SEC14L1: variants seen among roughly 807,000 people sequenced by gnomAD.
SEC14L1 encodes SEC14 like lipid binding 1, also known as SEC14-like protein 1.
Under a neutral mutation model 85.3 loss-of-function variants are expected in SEC14L1, and 48 were observed. The ratio of observed to expected loss-of-function variants is 0.56; its 90% CI spans 0.45 to 0.72. The LOEUF is 0.72. Among genes scored for constraint, SEC14L1 ranks in the 30% least tolerant of loss-of-function variants. The pLI, the probability that SEC14L1 is intolerant of heterozygous loss-of-function variation, is 0.00. For synonymous variants in SEC14L1, 391 were observed against 355.5 expected, an observed-to-expected ratio of 1.10 and a Z score of -1.12; for missense variants, 682 against 921.4, an observed-to-expected ratio of 0.74 and a Z score of 3.36.
rs770618633 is a variant in SEC14L1 at position 77,193,517 on chromosome 17, G to A, written c.442G>A (p.Ala148Thr). The A allele has an allele frequency of 6.2e-7, 1 of 1,612,130 alleles. No individual in the cohort carries two copies. The highest frequency in any genetic ancestry group is 8.5e-7 in the Non-Finnish European group (1 of 1,178,722). The change falls in exon 6 of 17, where the codon GCA becomes ACA. Residue 148 changes from alanine (A) to threonine (T), a missense_variant. Physicochemically the swap from Ala to Thr is moderately conservative, Grantham distance 58 (BLOSUM62 0). Coordinates refer to ENST00000436233, the MANE Select transcript of SEC14L1 (RefSeq NM_001143998.2). ...FGFESTVEKI[A>T]MKQYTSNIKK... ...TTTTGAAAGTACAGTGGAAAAAATTGCAATGAAACAATATACCAGCAACAT... is the reference window on the plus strand; with the variant it reads ...TTTTGAAAGTACAGTGGAAAAAATTACAATGAAACAATATACCAGCAACAT...
chr17:77,124,806 T>C (rs1038244457), intron 3 of SEC14L1, among the ~76,000 whole-genome samples: 1 of 152,120 alleles, frequency 6.6e-6, no homozygotes, highest in Non-Finnish European at 1.5e-5. Flanking sequence ...GAGAAATCAC[T>C]GATCCCTTTC....
intron 1 of SEC14L1, chr17:77,141,828 C>T (rs1479998593): frequency 6.6e-6 from 1 of 152,176 alleles, no homozygotes; most frequent in East Asian, 1.9e-4. Flanking sequence ...TGTTTGTACC[C>T]GGTTATCGTC....
chr17:77,132,290 C>T (rs915744532), intron 3 of SEC14L1, among the ~76,000 whole-genome samples: 4 of 149,880 alleles, frequency 2.7e-5, no homozygotes, highest in Admixed American at 1.3e-4. Context: ...TGCAGTGGCA[C>T]GATCTCACTG....
chr17:77,130,346 T>G, intron 3 of SEC14L1, among the ~76,000 whole-genome samples: 1 of 152,174 alleles, frequency 6.6e-6, no homozygotes, highest in East Asian at 1.9e-4. Flanking sequence ...AGACAGCGTT[T>G]CGCTCTGTCA....
At chr17:77,092,021 A>G (rs935709376) in intron 2 of SEC14L1, among the ~76,000 whole-genome samples, 1 of 152,044 alleles carries the variant, frequency 6.6e-6, no homozygotes, top group African/African-American at 2.4e-5. Context: ...CATTTTGGCC[A>G]CGCTGGTCTT....
In SEC14L1 at chr17:77,212,065, A is replaced by C. The variant is rs1390703348; in HGVS notation, c.1727A>C (p.Lys576Thr). Residue 576 changes from lysine (K) to threonine (T), a missense_variant, in exon 15 of 17, where the codon AAG (lysine) becomes ACG (threonine). Coordinates refer to ENST00000436233, the MANE Select transcript of SEC14L1 (RefSeq NM_001143998.2). ...HSKRSPQPPKKDSLGAHSITS... is the reference protein window; with the variant it reads ...HSKRSPQPPKTDSLGAHSITS... ...AAGAGGTCGCCACAACCACCCAAAA[A>C]GGACTCCCTGGGAGCCCACAGCATC... The C allele has an allele frequency of 6.2e-7, 1 of 1,614,048 alleles. No homozygotes were observed. The highest frequency in any genetic ancestry group is 1.3e-5 in the African/African-American group (1 of 74,922).
intron 3 of SEC14L1, among the ~76,000 whole-genome samples, chr17:77,147,030 C>T (rs756858850): frequency 6.6e-6 from 1 of 152,178 alleles, no homozygotes; most frequent in African/African-American, 2.4e-5. Flanking sequence ...CCGTAGCTTC[C>T]GCCGGCGGAC....
chr17:77,111,179 C>G (rs113457148), intron 3 of SEC14L1, among the ~76,000 whole-genome samples: 3,541 of 141,262 alleles, frequency 0.025, 127 homozygotes, highest in African/African-American at 0.086. Context: ...GAGCGAGACT[C>G]TGTCTCAAAA....
At chr17:77,102,022 T>G (rs912358008) in intron 3 of SEC14L1, among the ~76,000 whole-genome samples, 4 of 152,196 alleles carry the variant, frequency 2.6e-5, no homozygotes, top group Admixed American at 2.6e-4. Flanking sequence ...GCTATTTGCT[T>G]AACAAAACTG....
At chr17:77,178,070 T>C (rs1974843138) in intron 3 of SEC14L1, among the ~76,000 whole-genome samples, 1 of 123,614 alleles carries the variant, frequency 8.1e-6, no homozygotes, top group Admixed American at 9.9e-5. Flanking sequence ...CCCCCCTTTT[T>C]TTTTTGAGTG....
intron 3 of SEC14L1, among the ~76,000 whole-genome samples, chr17:77,115,631 C>T (rs1299980133): frequency 1.3e-5 from 2 of 152,006 alleles, no homozygotes; most frequent in Non-Finnish European, 2.9e-5. Flanking sequence ...CTGATGCTGC[C>T]CCCTCCAAGA....
rs1391308568 is a variant in SEC14L1 at position 77,216,326 on chromosome 17, G to C, written c.*2303G>C. The stretch of plus-strand genomic sequence containing the variant: ...GGCTAGTAGGTAGGGCTAGTAGGTA[G>C]GGCTAGTAGGTAGGGTTAGTAGGTA... On this transcript the variant is annotated 3_prime_UTR_variant, in exon 17 of 17. Transcript: ENST00000436233. 2.2e-6 allele frequency: 3 copies of C among 1,348,240 alleles called. No homozygotes were observed. In the African/African-American group the frequency reaches 4.6e-5, roughly 20 times the overall value. 83.5% of individuals were successfully genotyped at this position (1,348,240 alleles called of 1,614,324 possible).
At chr17:77,172,174 A>T (rs1024812888) in intron 3 of SEC14L1, among the ~76,000 whole-genome samples, 5 of 152,098 alleles carry the variant, frequency 3.3e-5, no homozygotes, top group African/African-American at 4.8e-5. Flanking sequence ...TCCTGAATCA[A>T]TGAAAAAGGT....
chr17:77,199,742 C>G (rs961702636), intron 8 of SEC14L1, among the ~76,000 whole-genome samples: 2 of 152,098 alleles, frequency 1.3e-5, no homozygotes, highest in Non-Finnish European at 2.9e-5. Flanking sequence ...CTCTACTTTG[C>G]GGAAACGAAA....
rs573573067 is a variant in SEC14L1 at position 77,189,266 on chromosome 17, G to C, written c.64-1537G>C. On this transcript the variant is annotated intron_variant, in intron 3 of 16. Coordinates refer to ENST00000436233, the MANE Select transcript of SEC14L1 (RefSeq NM_001143998.2). ...GACACAGAGAACAGAGAGCAGATGG[G>C]TGGTTTCAGAGTGACTTCCCTTGTA... Among the ~76,000 whole-genome samples the C allele has an allele frequency of 3.3e-5, 5 of 152,282 alleles. No individual in the cohort carries two copies. The South Asian group carries it at 6.2e-4, about 19-fold the overall frequency.
intron 3 of SEC14L1, among the ~76,000 whole-genome samples, chr17:77,148,311 A>G (rs58069837): frequency 0.15 from 22,199 of 152,048 alleles, 1,977 homozygotes; most frequent in Middle Eastern, 0.21. Flanking sequence ...TTGTGGTGAC[A>G]GCCGCAGGCG....
chr17:77,113,510 G>A (rs576160951), intron 3 of SEC14L1, among the ~76,000 whole-genome samples: 3 of 152,234 alleles, frequency 2.0e-5, no homozygotes, highest in Admixed American at 6.5e-5. Flanking sequence ...TTGGGAGGCC[G>A]AGGCAGGTGG....
chr17:77,197,580 G>A (rs1043595049), intron 8 of SEC14L1, among the ~76,000 whole-genome samples: 3 of 151,826 alleles, frequency 2.0e-5, no homozygotes, highest in Non-Finnish European at 4.4e-5. Context: ...TGCCAGTCAC[G>A]TAGACACATG....
intron 15 of SEC14L1, among the ~76,000 whole-genome samples, chr17:77,212,966 G>T (rs536521695): frequency 6.6e-6 from 1 of 152,328 alleles, no homozygotes; most frequent in East Asian, 1.9e-4. Context: ...AGAAAGTGAG[G>T]CCAGGTCCAG....
Sources: allele counts gnomAD v4.1 joint callset (sites outside exome capture counted in the v4.1 genomes callset), GRCh38; gene constraint gnomAD v4.1.1; transcripts MANE v1.5; gene names NCBI Gene and HGNC (gene_info 2026-07-23, HGNC 2026-07-21).